Variants in DGKG observed in about 807,000 individuals in gnomAD.
The protein encoded by DGKG is DAG kinase gamma.
Under a neutral mutation model 105.3 loss-of-function variants are expected in DGKG, and 78 were observed. That is an observed-to-expected ratio of 0.74 (90% CI 0.62 to 0.89). The LOEUF (loss-of-function observed/expected upper bound fraction) is 0.89, where lower values mean the gene tolerates loss of function less well. Ranked by LOEUF, DGKG falls within the 40% of genes least tolerant of loss-of-function variation. DGKG has a pLI of 0.00. For missense variants in DGKG, 958 were observed against 1,020.1 expected (o/e 0.94, Z 0.83); for synonymous variants, 346 against 367.1 (o/e 0.94, Z 0.66).
intron 20 of DGKG, among the ~76,000 whole-genome samples, chr3:186,221,116 A>T (rs956421804): frequency 6.6e-6 from 1 of 152,194 alleles, no homozygotes; most frequent in African/African-American, 2.4e-5. Context: ...TGCCCCTCTG[A>T]GGCCAGAGAG....
chr3:186,189,823 T>C (rs751566985), intron 21 of DGKG, among the ~76,000 whole-genome samples: 6 of 152,014 alleles, frequency 3.9e-5, no homozygotes, highest in Non-Finnish European at 7.4e-5. Flanking sequence ...ATTTGAGAGG[T>C]CTCTTTATGT....
At chr3:186,347,144 T>G (rs1200947588) in intron 1 of DGKG, among the ~76,000 whole-genome samples, 2 of 152,108 alleles carry the variant, frequency 1.3e-5, no homozygotes, top group Non-Finnish European at 2.9e-5. Context: ...TGCGTGGTTC[T>G]TTGTCTTTTA....
intron 22 of DGKG, among the ~76,000 whole-genome samples, chr3:186,173,746 A>G (rs1716938949): frequency 1.3e-5 from 2 of 152,254 alleles, no homozygotes; most frequent in African/African-American, 4.8e-5. Context: ...GCCTGAAAAA[A>G]GCCTAGGGGT....
intron 20 of DGKG, among the ~76,000 whole-genome samples, chr3:186,220,560 A>T (rs764758500): frequency 1.1e-4 from 16 of 152,216 alleles, no homozygotes; most frequent in Non-Finnish European, 1.8e-4. Context: ...GTGACTGCAA[A>T]GCTGTGAGTC....
chr3:186,227,112 T>C (rs1373916893), intron 20 of DGKG, among the ~76,000 whole-genome samples: 1 of 152,190 alleles, frequency 6.6e-6, no homozygotes, highest in South Asian at 2.1e-4. Flanking sequence ...AGAAGGGGGT[T>C]GAAATCTAAA....
chr3:186,319,496 C>T (rs980710827), intron 2 of DGKG, among the ~76,000 whole-genome samples: 12 of 152,142 alleles, frequency 7.9e-5, no homozygotes, highest in Admixed American at 7.2e-4. Flanking sequence ...AGCTGCAGGC[C>T]TCATGATTTA....
intron 1 of DGKG, among the ~76,000 whole-genome samples, chr3:186,353,626 A>ATATCTATATCTATATCTATG (rs1560169523): frequency 9.2e-5 from 12 of 129,964 alleles, no homozygotes; most frequent in African/African-American, 3.9e-4. Flanking sequence ...TAGACTCTCT[A>ATATCTATATCTATATCTATG]TCTATATCTA....
intron 1 of DGKG, among the ~76,000 whole-genome samples, chr3:186,337,626 T>C (rs1368425482): frequency 6.6e-6 from 1 of 152,062 alleles, no homozygotes; most frequent in African/African-American, 2.4e-5. Context: ...TCCCAGTTAA[T>C]GCAATTAAAT....
rs550129674 is a variant in DGKG at position 186,332,437 on chromosome 3, G to A, written c.-248-11730C>T. Among the ~76,000 whole-genome samples, 8 of 152,268 alleles carry A rather than the reference G, an allele frequency of 5.3e-5. No individual in the cohort carries two copies. In the South Asian group the frequency reaches 1.4e-3, roughly 28 times the overall value. On this transcript the variant is annotated intron_variant, in intron 1 of 24. Coordinates refer to ENST00000265022, the MANE Select transcript of DGKG (RefSeq NM_001346.3). Reference sequence around the variant, plus strand: ...GAAAAGTCTGATTCTGAACTCCAGTGCTGAGGGGCTGATGTAGGGAAGGGA... The same window carrying A: ...GAAAAGTCTGATTCTGAACTCCAGTACTGAGGGGCTGATGTAGGGAAGGGA...
chr3:186,250,566 T>TTTTTTTTTTTTC (rs1204072647), intron 19 of DGKG, among the ~76,000 whole-genome samples: 1 of 147,784 alleles, frequency 6.8e-6, no homozygotes, highest in East Asian at 2.0e-4. Context: ...TCTTTTTTTT[T>TTTTTTTTTTTTC]TGAGACAGAG....
intron 1 of DGKG, among the ~76,000 whole-genome samples, chr3:186,350,292 T>G (rs1484325684): frequency 6.6e-6 from 1 of 152,222 alleles, no homozygotes; most frequent in African/African-American, 2.4e-5. Context: ...TTACTTTCTA[T>G]CTCAATGAAT....
chr3:186,346,657 T>C (rs1689662221), intron 1 of DGKG, among the ~76,000 whole-genome samples: 2 of 151,896 alleles, frequency 1.3e-5, no homozygotes, highest in Non-Finnish European at 2.9e-5. Context: ...GTAACTATGC[T>C]ATACTATACT....
At chr3:186,301,313 T>C (rs1012240478) in intron 3 of DGKG, among the ~76,000 whole-genome samples, 3 of 152,176 alleles carry the variant, frequency 2.0e-5, no homozygotes, top group African/African-American at 7.2e-5. Context: ...ACAACTCTGA[T>C]AAAATTGCTT....
In DGKG at chr3:186,258,019, C is replaced by G. The variant is rs935206286; in HGVS notation, c.1425-80G>C. On this transcript the variant is annotated intron_variant, in intron 16 of 24. Transcript: ENST00000265022. The stretch of plus-strand genomic sequence containing the variant: ...TGATACATGTTGAGTCAGAGTCTGC[C>G]CTGTTCCCCAGGAGTATGTTAAGAC... The G allele has an allele frequency of 1.0e-5, 11 of 1,049,252 alleles. No homozygotes were observed. The African/African-American group carries it at 1.7e-4, about 16-fold the overall frequency. The allele number at this position is 1,049,252 out of a possible 1,614,324, so 65.0% of individuals were successfully genotyped here.
intron 16 of DGKG, 51 bp from the exon 17 acceptor site, chr3:186,257,990 A>T (rs769532627): frequency 2.3e-6 from 3 of 1,331,286 alleles, no homozygotes; most frequent in Non-Finnish European, 3.3e-6. Flanking sequence ...GTTGCAGCTG[A>T]CATTGATACA....
chr3:186,304,922 A>G (rs1255587716), intron 3 of DGKG, among the ~76,000 whole-genome samples: 1 of 152,212 alleles, frequency 6.6e-6, no homozygotes, highest in African/African-American at 2.4e-5. Context: ...GGAGGGCAGG[A>G]ACTGTGCTTC....
intron 17 of DGKG, among the ~76,000 whole-genome samples, chr3:186,253,576 T>G (rs1470227815): frequency 1.3e-5 from 2 of 152,204 alleles, no homozygotes; most frequent in Non-Finnish European, 2.9e-5. Flanking sequence ...GGGATTATCC[T>G]CCTTCAAGTA....
At chr3:186,190,431 A>T (rs921427447) in intron 21 of DGKG, among the ~76,000 whole-genome samples, 30 of 152,328 alleles carry the variant, frequency 2.0e-4, no homozygotes, top group African/African-American at 7.2e-4. Flanking sequence ...AAATTTTATG[A>T]TACTATCATG....
At chr3:186,242,384 GCA>G (rs57979155) in intron 20 of DGKG, 118 bp downstream of exon 20, 134,391 of 759,302 alleles carry the variant, frequency 0.18, 12,744 homozygotes, top group African/African-American at 0.3. Context: ...CCGGCAAGTG[GCA>G]GGAAGGCCAA....
Sources: allele counts gnomAD v4.1 joint callset (sites outside exome capture counted in the v4.1 genomes callset), GRCh38; gene constraint gnomAD v4.1.1; transcripts MANE v1.5; gene names NCBI Gene and HGNC (gene_info 2026-07-23, HGNC 2026-07-21).